The following LAMB4 variants were observed in gnomAD, a reference collection of about 807,000 sequenced individuals.
LAMB4 encodes the protein laminin subunit beta-4.
A neutral mutation model predicts 199.2 loss-of-function variants in LAMB4; 196 were observed. The ratio of observed to expected loss-of-function variants is 0.98; its 90% CI spans 0.88 to 1.11. The LOEUF (loss-of-function observed/expected upper bound fraction) is 1.11. Ranked by LOEUF, LAMB4 falls within the 50% of genes least tolerant of loss-of-function variation. The pLI, the probability that LAMB4 is intolerant of heterozygous loss-of-function variation, is 0.00. For synonymous variants in LAMB4, 744 were observed against 770.6 expected (o/e 0.97, Z 0.57); for missense variants, 2,080 against 2,171.2 (o/e 0.96, Z 0.83).
At chr7:108,105,243 C>T (rs1277086093) in intron 8 of LAMB4, among the ~76,000 whole-genome samples, 1 of 152,282 alleles carries the variant, frequency 6.6e-6, no homozygotes, top group South Asian at 2.1e-4. Context: ...TAAGGCTAGT[C>T]CCCCAAGATG....
chr7:108,067,994 C>T (rs746576695), intron 19 of LAMB4, 22 bp downstream of exon 19: 35 of 1,614,016 alleles, frequency 2.2e-5, no homozygotes, highest in Admixed American at 1.2e-4. Context: ...AAGTGTTTCC[C>T]CTTGTGTGTT....
At chr7:108,104,734 C>T in intron 8 of LAMB4, 115 bp from the exon 9 acceptor site, 1 of 1,173,612 alleles carries the variant, frequency 8.5e-7, no homozygotes, top group South Asian at 1.7e-5. Flanking sequence ...CTTAGTTTCC[C>T]ATATGTTAAT....
rs370563766 is a variant in LAMB4, at chr7:108,055,899, C to T, written c.3488G>A (p.Arg1163Gln). 8.5e-5 allele frequency: 138 copies of T among 1,614,142 alleles called. 1 individual carries two copies. In the Middle Eastern group the frequency reaches 3.3e-3, roughly 39 times the overall value. Residue 1163 changes from arginine (R) to glutamine (Q), a missense_variant, in exon 25 of 34, where the codon CGG becomes CAG. Physicochemically the swap from Arg to Gln is conservative, Grantham distance 43. Transcript: ENST00000388781. Reference protein sequence around the residue: ...VSGQRCDRCARGHSQEFPTCL... With the variant: ...VSGQRCDRCAQGHSQEFPTCL... Reference sequence around the variant, plus strand: ...AGTAGGGAATTCCTGGCTGTGTCCCCGGGCACAGCGATCACATCTCTGGCC... The same window carrying T: ...AGTAGGGAATTCCTGGCTGTGTCCCTGGGCACAGCGATCACATCTCTGGCC...
intron 14 of LAMB4, among the ~76,000 whole-genome samples, chr7:108,082,677 A>G (rs1387509767): frequency 6.6e-6 from 1 of 152,200 alleles, no homozygotes; most frequent in East Asian, 1.9e-4. Context: ...TGCAGTTGGC[A>G]CTGGTTCTTT....
At chr7:108,020,728 C>T (rs565269049), downstream of LAMB4, among the ~76,000 whole-genome samples, 411 of 152,174 alleles carry the variant, frequency 2.7e-3, 2 homozygotes, top group African/African-American at 8.5e-3. Context: ...CAATTATATC[C>T]GAATGACTCA....
chr7:108,127,622 G>A (rs2038840500), intron 1 of LAMB4, among the ~76,000 whole-genome samples: 1 of 152,170 alleles, frequency 6.6e-6, no homozygotes, highest in African/African-American at 2.4e-5. Context: ...TCAACATCAT[G>A]TGGAAATGCC....
intron 2 of LAMB4, among the ~76,000 whole-genome samples, chr7:108,118,929 C>T (rs1051479785): frequency 2.6e-5 from 4 of 152,102 alleles, no homozygotes; most frequent in Non-Finnish European, 4.4e-5. Context: ...TTAATAAGAG[C>T]TTTCAAAACT....
intron 9 of LAMB4, among the ~76,000 whole-genome samples, chr7:108,104,241 C>A (rs376291937): frequency 6.6e-6 from 1 of 152,232 alleles, no homozygotes; most frequent in East Asian, 1.9e-4. Context: ...TGGCTCCATC[C>A]CTCTACTAGA....
intron 12 of LAMB4, among the ~76,000 whole-genome samples, chr7:108,094,577 G>GT (rs34249069): frequency 9.6e-4 from 141 of 146,508 alleles, no homozygotes; most frequent in African/African-American, 1.9e-3. Flanking sequence ...GATTTTGTGG[G>GT]TTTTTTTTTT....
At chr7:108,121,857 T>G (rs1171423194) in intron 2 of LAMB4, among the ~76,000 whole-genome samples, 2 of 152,168 alleles carry the variant, frequency 1.3e-5, no homozygotes, top group Non-Finnish European at 2.9e-5. Flanking sequence ...CTTATATTGC[T>G]CAGTCAGAAG....
At chr7:108,059,706 C>A (rs1257822451) in intron 23 of LAMB4, among the ~76,000 whole-genome samples, 12 of 150,770 alleles carry the variant, frequency 8.0e-5, no homozygotes, top group African/African-American at 3.0e-4. Context: ...TGCCACACTG[C>A]TGGCTCACTG....
chr7:108,046,679 A>C (rs1192156593), intron 28 of LAMB4, among the ~76,000 whole-genome samples: 1 of 152,140 alleles, frequency 6.6e-6, no homozygotes, highest in Non-Finnish European at 1.5e-5. Flanking sequence ...TTATAGATTT[A>C]ATTATAAGGT....
intron 11 of LAMB4, among the ~76,000 whole-genome samples, chr7:108,095,772 T>C (rs2037572138): frequency 6.6e-6 from 1 of 152,180 alleles, no homozygotes; most frequent in Admixed American, 6.5e-5. Flanking sequence ...TTTGTCTTAA[T>C]TCCCCCCTCC....
chr7:108,029,079 C>T lies in LAMB4; in HGVS notation c.5110G>A (p.Ala1704Thr). ...CTTATCTTGGCCTCTGTATCTCCAG[C>T]CAATTTTTCTGCCGCATCTTTTAGC... ...KQLKDAAEKL[A>T]GDTEAKIRRI... Residue 1704 changes from alanine to threonine, a missense_variant, in exon 33 of 34, where the codon GCT (alanine) becomes ACT (threonine). Physicochemically the swap from Ala to Thr is moderately conservative, Grantham distance 58. Transcript: ENST00000388781. The T allele has an allele frequency of 2.5e-6, 4 of 1,613,934 alleles. No homozygotes were observed. In the East Asian group the frequency reaches 8.9e-5, roughly 36 times the overall value.
chr7:108,023,476 C>T (rs1563023169), downstream of LAMB4: 1 of 152,144 alleles, frequency 6.6e-6, no homozygotes, highest in Non-Finnish European at 1.5e-5. Flanking sequence ...GAATATTGTT[C>T]CAGTTCTACT....
chr7:108,082,771 G>C (rs1368267750), intron 14 of LAMB4, among the ~76,000 whole-genome samples: 1 of 152,156 alleles, frequency 6.6e-6, no homozygotes, highest in Non-Finnish European at 1.5e-5. Flanking sequence ...CCCAAGCCAA[G>C]ACAGTACATA....
intron 28 of LAMB4, among the ~76,000 whole-genome samples, chr7:108,046,348 C>T (rs2035624725): frequency 6.6e-6 from 1 of 151,544 alleles, no homozygotes; most frequent in Non-Finnish European, 1.5e-5. Flanking sequence ...GCATCGGCCT[C>T]CCAAAGTGCT....
At chr7:108,039,893 T>C (rs1388661342) in intron 29 of LAMB4, among the ~76,000 whole-genome samples, 7 of 152,172 alleles carry the variant, frequency 4.6e-5, no homozygotes, top group Non-Finnish European at 1.0e-4. Flanking sequence ...CTGTTCAACA[T>C]AGTATTGGAA....
Position 108,066,601 on chromosome 7 carries a change from C to A in LAMB4, c.2447-1G>T. On this transcript the variant is annotated splice_acceptor_variant, in intron 19 of 33. Coordinates refer to ENST00000388781, the MANE Select transcript of LAMB4 (RefSeq NM_007356.3). LOFTEE classifies it high-confidence loss of function. ...GATCCTTGAGGATGGCAGTGACATG[C>A]TGGATGAAGCAAAGAGAAGTATGCT... The A allele has an allele frequency of 3.8e-6, 6 of 1,588,402 alleles. No individual in the cohort carries two copies. The highest frequency in any genetic ancestry group is 5.2e-6 in the Non-Finnish European group (6 of 1,161,502).
Sources: gnomAD v4.1 joint callset for allele counts (sites outside exome capture counted in the v4.1 genomes callset) on GRCh38, gnomAD v4.1.1 for gene constraint, MANE v1.5 for transcripts, NCBI Gene and HGNC (gene_info 2026-07-23, HGNC 2026-07-21) for gene names.